The following HS3ST5 variants were observed in gnomAD, a reference collection of about 807,000 sequenced individuals.
HS3ST5 encodes the protein heparan sulfate glucosamine 3-O-sulfotransferase 5.
A neutral mutation model predicts 25.4 loss-of-function variants in HS3ST5; 10 were observed. The ratio of observed to expected loss-of-function variants is 0.39; its 90% CI spans 0.24 to 0.67. The LOEUF is 0.67. Ranked by LOEUF, HS3ST5 falls within the 30% of genes least tolerant of loss-of-function variation. The pLI is 0.44. For missense variants in HS3ST5, 324 were observed against 420.7 expected, an observed-to-expected ratio of 0.77 and a Z score of 2.01; for synonymous variants, 170 against 162.4, an observed-to-expected ratio of 1.05 and a Z score of -0.36.
intron 3 of HS3ST5, among the ~76,000 whole-genome samples, chr6:114,138,409 A>G (rs1777741888): frequency 6.6e-6 from 1 of 152,184 alleles, no homozygotes; most frequent in African/African-American, 2.4e-5. Flanking sequence ...TCCTGTTATT[A>G]CTGTTAGAGC....
intron 2 of HS3ST5, among the ~76,000 whole-genome samples, chr6:114,198,991 A>G (rs1436738139): frequency 6.6e-6 from 1 of 152,210 alleles, no homozygotes; most frequent in African/African-American, 2.4e-5. Context: ...TTACAAACTT[A>G]AAATATCACA....
chr6:114,169,118 C>A (rs942716984), intron 2 of HS3ST5, among the ~76,000 whole-genome samples: 1 of 152,062 alleles, frequency 6.6e-6, no homozygotes, highest in African/African-American at 2.4e-5. Flanking sequence ...TTTAATTACT[C>A]TTTCAGGCTG....
chr6:114,212,017 G>C (rs1229090260), intron 2 of HS3ST5, among the ~76,000 whole-genome samples: 1 of 152,240 alleles, frequency 6.6e-6, no homozygotes, highest in Non-Finnish European at 1.5e-5. Context: ...GGCAACCAGA[G>C]TCCAATATTT....
chr6:114,109,893 A>T (rs894066977), intron 3 of HS3ST5, among the ~76,000 whole-genome samples: 1 of 152,222 alleles, frequency 6.6e-6, no homozygotes, highest in Non-Finnish European at 1.5e-5. Flanking sequence ...CTTTGCCTTC[A>T]TGGTGCTTAC....
intron 3 of HS3ST5, among the ~76,000 whole-genome samples, chr6:114,064,567 C>T (rs1220263221): frequency 6.6e-6 from 1 of 152,168 alleles, no homozygotes; most frequent in Non-Finnish European, 1.5e-5. Context: ...GACCAGCAGT[C>T]ATCCAACACA....
chr6:114,275,016 C>T (rs940225189), intron 1 of HS3ST5, among the ~76,000 whole-genome samples: 19 of 151,936 alleles, frequency 1.3e-4, no homozygotes, highest in African/African-American at 4.6e-4. Flanking sequence ...TACAACTACA[C>T]AACTATACAC....
chr6:114,240,719 T>C (rs761845639), intron 1 of HS3ST5, among the ~76,000 whole-genome samples: 1 of 152,198 alleles, frequency 6.6e-6, no homozygotes, highest in Non-Finnish European at 1.5e-5. Flanking sequence ...CACAGAGCCG[T>C]AACTGTAGTT....
rs968448221 is a variant in HS3ST5, at chr6:114,282,490, A to G, written c.-338-53712T>C. The stretch of plus-strand genomic sequence containing the variant: ...CTCTTAGGCTATTAGGCCATGTCCA[A>G]TTTTCTCGGTCTGTCGGAGGATACA... On this transcript the variant is annotated intron_variant, in intron 1 of 4. Coordinates refer to ENST00000312719, the MANE Select transcript of HS3ST5 (RefSeq NM_153612.4). Among the ~76,000 whole-genome samples, 8 of 151,896 alleles carry G rather than the reference A, an allele frequency of 5.3e-5. No individual in the cohort carries two copies. In the South Asian group the frequency reaches 8.3e-4, roughly 16 times the overall value.
chr6:114,185,933 T>C (rs1179833621), intron 2 of HS3ST5, among the ~76,000 whole-genome samples: 1 of 152,082 alleles, frequency 6.6e-6, no homozygotes, highest in East Asian at 1.9e-4. Flanking sequence ...AGGGTCTCCC[T>C]ATTTTGCCCC....
At chr6:114,084,110 ATGT>A in intron 3 of HS3ST5, 1 of 468,624 alleles carries the variant, frequency 2.1e-6, no homozygotes, top group East Asian at 3.4e-5. Context: ...TTAGAAACTG[ATGT>A]TTATTTCCCA....
chr6:114,098,454 C>T (rs1264343918), intron 3 of HS3ST5, among the ~76,000 whole-genome samples: 3 of 149,180 alleles, frequency 2.0e-5, no homozygotes, highest in Admixed American at 1.3e-4. Context: ...TCTATATTTT[C>T]AGACTTTATG....
At chr6:114,206,893 G>A (rs773515653) in intron 2 of HS3ST5, among the ~76,000 whole-genome samples, 42 of 152,290 alleles carry the variant, frequency 2.8e-4, no homozygotes, top group Admixed American at 5.9e-4. Flanking sequence ...GTTTGAGAAG[G>A]TTGTGGCAGG....
At chr6:114,170,769 A>C (rs964969247) in intron 2 of HS3ST5, among the ~76,000 whole-genome samples, 3 of 152,152 alleles carry the variant, frequency 2.0e-5, no homozygotes, top group African/African-American at 4.8e-5. Context: ...CAAGTTACCA[A>C]TTCCACTTTT....
At chr6:114,094,333 G>C (rs1775308260) in intron 3 of HS3ST5, among the ~76,000 whole-genome samples, 1 of 152,180 alleles carries the variant, frequency 6.6e-6, no homozygotes, top group Non-Finnish European at 1.5e-5. Flanking sequence ...ACAGTGGATA[G>C]GAAAGCAACC....
intron 3 of HS3ST5, among the ~76,000 whole-genome samples, chr6:114,090,658 G>T (rs901646371): frequency 6.6e-6 from 1 of 152,020 alleles, no homozygotes; most frequent in Admixed American, 6.6e-5. Context: ...TTCCTTTTTG[G>T]GTACTATGGA....
intron 3 of HS3ST5, among the ~76,000 whole-genome samples, chr6:114,073,090 T>C (rs1773919180): frequency 6.6e-6 from 1 of 152,178 alleles, no homozygotes; most frequent in Non-Finnish European, 1.5e-5. Context: ...TGGCTAGCCA[T>C]ATGTAGAAAG....
chr6:114,117,193 A>G lies in HS3ST5; in HGVS notation c.-33+51158T>C, dbSNP rs187909606. On this transcript the variant is annotated intron_variant, in intron 3 of 4. Coordinates refer to ENST00000312719, the MANE Select transcript of HS3ST5 (RefSeq NM_153612.4). ...GTTGAAGAAATAGCTCATTCCTTTT[A>G]CTTTCTAGGCAAAATATCTTGAATT... Among the ~76,000 whole-genome samples, 15 of 152,272 alleles carry G rather than the reference A, an allele frequency of 9.9e-5. 1 individual carries two copies. Among genetic ancestry groups the G allele is most frequent in the Admixed American group, 8.5e-4 (13 of 15,280 alleles).
intron 1 of HS3ST5, among the ~76,000 whole-genome samples, chr6:114,287,058 TTTC>T (rs567431408): frequency 2.2e-4 from 34 of 152,118 alleles, no homozygotes; most frequent in African/African-American, 1.9e-4. Flanking sequence ...ACTCGCCTTT[TTTC>T]TTCTTATTTG....
At chr6:114,063,142 G>C (rs1465982794) in intron 3 of HS3ST5, among the ~76,000 whole-genome samples, 3 of 152,174 alleles carry the variant, frequency 2.0e-5, no homozygotes, top group Admixed American at 2.0e-4. Flanking sequence ...AATTGTCAAA[G>C]TAAATTAAAA....
Sources: allele counts gnomAD v4.1 joint callset (sites outside exome capture counted in the v4.1 genomes callset), GRCh38; gene constraint gnomAD v4.1.1; transcripts MANE v1.5; gene names NCBI Gene and HGNC (gene_info 2026-07-23, HGNC 2026-07-21).